Variants in HNRNPLL observed in about 807,000 individuals in gnomAD.
The protein encoded by HNRNPLL is heterogeneous nuclear ribonucleoprotein L like.
In HNRNPLL, 25 loss-of-function variants were observed where a neutral mutation model predicts 67.1. The observed-to-expected ratio is 0.37, with a 90% CI of 0.27 to 0.52. The LOEUF (loss-of-function observed/expected upper bound fraction) is 0.52. HNRNPLL is among the 20% of genes least tolerant of loss of function. HNRNPLL has a pLI of 0.90. For missense variants in HNRNPLL, 542 were observed against 673.9 expected, an observed-to-expected ratio of 0.80 and a Z score of 2.17; for synonymous variants, 267 against 241.7, an observed-to-expected ratio of 1.10 and a Z score of -0.97.
intron 6 of HNRNPLL, 64 bp downstream of exon 6, chr2:38,581,849 A>C: frequency 9.7e-6 from 10 of 1,028,268 alleles, no homozygotes; most frequent in Non-Finnish European, 1.5e-5. Context: ...GGAAAAAAGA[A>C]TCTAACTGCA....
intron 2 of HNRNPLL, among the ~76,000 whole-genome samples, chr2:38,587,049 T>C (rs75435821): frequency 0.015 from 2,334 of 152,296 alleles, 57 homozygotes; most frequent in African/African-American, 0.053. Context: ...AAAAATGCTT[T>C]AAAATACAAT....
At chr2:38,592,887 T>C (rs536450650) in intron 1 of HNRNPLL, among the ~76,000 whole-genome samples, 37 of 152,348 alleles carry the variant, frequency 2.4e-4, no homozygotes, top group African/African-American at 7.7e-4. Flanking sequence ...AATTTAACAA[T>C]TGTTTTAAGA....
chr2:38,600,546 G>A (rs1667386767), intron 1 of HNRNPLL, among the ~76,000 whole-genome samples: 2 of 151,952 alleles, frequency 1.3e-5, no homozygotes, highest in African/African-American at 4.8e-5. Context: ...TTGGCAATAT[G>A]GTGAAACCCC....
intron 1 of HNRNPLL, among the ~76,000 whole-genome samples, chr2:38,595,310 A>C (rs894569868): frequency 6.7e-6 from 1 of 148,986 alleles, no homozygotes; most frequent in South Asian, 2.1e-4. Flanking sequence ...AAAGAAAAAA[A>C]CACAAAACAA....
chr2:38,571,688 G>A (rs1259622939), intron 8 of HNRNPLL, among the ~76,000 whole-genome samples: 1 of 151,930 alleles, frequency 6.6e-6, no homozygotes, highest in Non-Finnish European at 1.5e-5. Flanking sequence ...TTAAATATGT[G>A]GTTCTTGTAT....
chr2:38,594,189 A>T (rs1272101313), intron 1 of HNRNPLL, among the ~76,000 whole-genome samples: 1 of 152,140 alleles, frequency 6.6e-6, no homozygotes, highest in African/African-American at 2.4e-5. Flanking sequence ...AAAAACCAAA[A>T]ACCAAAAAAC....
At position 38,568,184 on chromosome 2, in the gene HNRNPLL, A is replaced by G. The variant is rs754341167; in HGVS notation, c.1573+15T>C. On this transcript the variant is annotated intron_variant, in intron 12 of 12. Transcript: ENST00000449105. ...CCACTACATAATTACAACACAAATA[A>G]AGCATTTTACTTACTCGGCACTCTT... 1.3e-6 allele frequency: 2 copies of G among 1,524,934 alleles called. No homozygotes were observed. The highest frequency in any genetic ancestry group is 1.8e-6 in the Non-Finnish European group (2 of 1,104,684). 94.5% of individuals were successfully genotyped at this position (1,524,934 alleles called of 1,614,324 possible).
intron 1 of HNRNPLL, among the ~76,000 whole-genome samples, chr2:38,598,029 C>A (rs769853073): frequency 6.7e-6 from 1 of 149,534 alleles, no homozygotes; most frequent in Non-Finnish European, 1.5e-5. Flanking sequence ...TTTTTTTTTG[C>A]TCATGTAATA....
At chr2:38,591,698 G>T in intron 1 of HNRNPLL, 50 bp from the exon 2 acceptor site, 2 of 1,203,896 alleles carry the variant, frequency 1.7e-6, no homozygotes, top group South Asian at 1.2e-5. Context: ...GTCTAAGGCC[G>T]AACGCGGTGG....
At chr2:38,583,385 T>C (rs992085073) in intron 4 of HNRNPLL, among the ~76,000 whole-genome samples, 1 of 152,196 alleles carries the variant, frequency 6.6e-6, no homozygotes, top group Non-Finnish European at 1.5e-5. Context: ...GGGGAAAGTG[T>C]ATTATCTATA....
intron 6 of HNRNPLL, among the ~76,000 whole-genome samples, chr2:38,578,791 AC>A (rs908705149): frequency 5.3e-5 from 8 of 152,174 alleles, no homozygotes; most frequent in African/African-American, 1.9e-4. Context: ...TTGATCCTCT[AC>A]CCATATTCTA....
At chr2:38,579,881 C>T (rs1331870058) in intron 6 of HNRNPLL, among the ~76,000 whole-genome samples, 1 of 151,924 alleles carries the variant, frequency 6.6e-6, no homozygotes, top group Admixed American at 6.6e-5. Context: ...TCTCGCAAGA[C>T]AAATATCTGT....
chr2:38,564,125 G>C lies in HNRNPLL; in HGVS notation c.*57C>G. ...CCATTTTAGATTTTTTTTTAATGAA[G>C]TGTAGCTTTGAAATTGTAATAAAGG... On this transcript the variant is annotated 3_prime_UTR_variant, in exon 13 of 13. Coordinates refer to ENST00000449105, the MANE Select transcript of HNRNPLL (RefSeq NM_138394.4). The C allele has an allele frequency of 9.8e-7, 1 of 1,025,616 alleles. No homozygotes were observed. The highest frequency in any genetic ancestry group is 1.5e-6 in the Non-Finnish European group (1 of 651,184). 63.5% of individuals were successfully genotyped at this position (1,025,616 alleles called of 1,614,324 possible).
intron 8 of HNRNPLL, among the ~76,000 whole-genome samples, chr2:38,570,859 T>G (rs942181278): frequency 6.6e-6 from 1 of 150,840 alleles, no homozygotes; most frequent in African/African-American, 2.4e-5. Context: ...CTGGGCAACA[T>G]AGCTGAGACC....
chr2:38,598,510 C>A (rs567174078), intron 1 of HNRNPLL, among the ~76,000 whole-genome samples: 16 of 152,286 alleles, frequency 1.1e-4, no homozygotes, highest in African/African-American at 3.6e-4. Context: ...TGGCTGTAAG[C>A]CCTGAAAGTT....
chr2:38,593,295 T>C (rs77223249), intron 1 of HNRNPLL, among the ~76,000 whole-genome samples: 1 of 152,208 alleles, frequency 6.6e-6, no homozygotes, highest in South Asian at 2.1e-4. Flanking sequence ...CAAATGTGCA[T>C]GTATCATCAT....
Position 38,591,646 on chromosome 2 carries a change from C to T in HNRNPLL, c.192G>A (p.Glu64=). Residue 64 remains glutamate, a splice_region_variant and synonymous_variant, in exon 2 of 13, where the codon GAG becomes GAA. Transcript: ENST00000449105. The part of the protein sequence containing the change: ...GGGGRSFSQP[E]AGGSHHKVSV... ...AAACTTTATGATGACTTCCACCTGCCTCCTAGCAAGAGAAAATAATTTCTA... is the reference window on the plus strand; with the variant it reads ...AAACTTTATGATGACTTCCACCTGCTTCCTAGCAAGAGAAAATAATTTCTA... The T allele has an allele frequency of 1.9e-6, 3 of 1,600,816 alleles. No homozygotes were observed. Among genetic ancestry groups the T allele is most frequent in the South Asian group, 2.2e-5 (2 of 90,732 alleles).
At chr2:38,569,727 G>T in intron 9 of HNRNPLL, 77 bp downstream of exon 9, 1 of 713,264 alleles carries the variant, frequency 1.4e-6, no homozygotes, top group Admixed American at 3.4e-5. Flanking sequence ...TTCTCAAGTT[G>T]ACATTAATGT....
chr2:38,594,857 T>C (rs985562428), intron 1 of HNRNPLL, among the ~76,000 whole-genome samples: 3 of 151,568 alleles, frequency 2.0e-5, no homozygotes, highest in African/African-American at 7.3e-5. Flanking sequence ...GGCAAGAGAA[T>C]TGCTTAAACC....
Sources: allele counts gnomAD v4.1 joint callset (sites outside exome capture counted in the v4.1 genomes callset), GRCh38; gene constraint gnomAD v4.1.1; transcripts MANE v1.5; gene names NCBI Gene and HGNC (gene_info 2026-07-23, HGNC 2026-07-21).